Variants in PAPOLG observed in about 807,000 individuals in gnomAD.
PAPOLG encodes poly(A) polymerase gamma, also known as PAP-gamma.
Under a neutral mutation model 99.0 loss-of-function variants are expected in PAPOLG, and 40 were observed. The ratio of observed to expected loss-of-function variants is 0.40; its 90% CI spans 0.31 to 0.53. The LOEUF (loss-of-function observed/expected upper bound fraction) is 0.53, where lower values mean the gene tolerates loss of function less well. Among genes scored for constraint, PAPOLG ranks in the 20% least tolerant of loss-of-function variants. The probability of loss-of-function intolerance (pLI) is 0.41; values close to 1 mark genes in which losing one functional copy is unlikely to be tolerated. For missense variants in PAPOLG, 675 were observed against 884.1 expected, an observed-to-expected ratio of 0.76 and a Z score of 3.00; for synonymous variants, 310 against 299.3, an observed-to-expected ratio of 1.04 and a Z score of -0.37.
chr2:60,765,189 C>CCCCCAAGTAGCAGA (rs1670637369), intron 3 of PAPOLG, among the ~76,000 whole-genome samples: 1 of 151,752 alleles, frequency 6.6e-6, no homozygotes, highest in South Asian at 2.1e-4. Flanking sequence ...TCACCCCAGC[C>CCCCCAAGTAGCAGA]CCCCAAGTAG....
chr2:60,759,257 A>T (rs766836478), intron 1 of PAPOLG, among the ~76,000 whole-genome samples: 1 of 152,126 alleles, frequency 6.6e-6, no homozygotes, highest in East Asian at 1.9e-4. Context: ...AATCCCAGCT[A>T]CTTGGGAGGC....
In PAPOLG at chr2:60,768,481, T is replaced by C. The variant is rs752736330; in HGVS notation, c.258T>C (p.Pro86=). The C allele has an allele frequency of 2.5e-6, 4 of 1,613,968 alleles. No individual in the cohort carries two copies. The African/African-American group carries it at 4.0e-5, about 16-fold the overall frequency. Residue 86 remains proline, a synonymous_variant, in exon 4 of 22, where the codon CCT becomes CCC. Coordinates refer to ENST00000238714, the MANE Select transcript of PAPOLG (RefSeq NM_022894.4). ...SDVSESKNLP[P]SVVATVGGKI... ...TAATTTTATTTTAGAACCTCCCACC[T>C]TCTGTTGTGGCTACTGTTGGTGGTA...
At chr2:60,776,584 C>A (rs1240785837) in intron 8 of PAPOLG, among the ~76,000 whole-genome samples, 1 of 152,008 alleles carries the variant, frequency 6.6e-6, no homozygotes, top group African/African-American at 2.4e-5. Context: ...TGTGCCACCA[C>A]ACCTGGCTAA....
rs1671770945 is a variant in PAPOLG, at chr2:60,798,324, A to G, written c.*1164A>G. 6.5e-6 allele frequency: 1 copy of G among 152,724 alleles called. No homozygotes were observed. Among genetic ancestry groups the G allele is most frequent in the African/African-American group, 2.4e-5 (1 of 41,442 alleles). The allele number at this position is 152,724 out of a possible 1,614,324, so 9.5% of individuals were successfully genotyped here. On this transcript the variant is annotated 3_prime_UTR_variant, in exon 22 of 22. Coordinates refer to ENST00000238714, the MANE Select transcript of PAPOLG (RefSeq NM_022894.4). ...AATATTTTTTAAGTTTCATGAATGC[A>G]TGCTCAGTTTATTAAAATCCATAAC...
chr2:60,758,450 G>T (rs1276502604), intron 1 of PAPOLG, among the ~76,000 whole-genome samples: 6 of 134,594 alleles, frequency 4.5e-5, no homozygotes, highest in Non-Finnish European at 4.7e-5. Flanking sequence ...TTTTTGAGAC[G>T]GAGTTTCGCT....
intron 9 of PAPOLG, 35 bp downstream of exon 9, chr2:60,779,810 A>T (rs1487926419): frequency 6.4e-7 from 1 of 1,555,424 alleles, no homozygotes; most frequent in African/African-American, 1.4e-5. Context: ...ACTGTTTACT[A>T]ATCTCTACCT....
intron 1 of PAPOLG, among the ~76,000 whole-genome samples, chr2:60,758,552 C>T (rs1478751126): frequency 2.0e-5 from 3 of 151,538 alleles, no homozygotes; most frequent in African/African-American, 4.9e-5. Flanking sequence ...CTCAGCCTCC[C>T]GAGTAGCCGG....
chr2:60,759,571 A>G (rs911313266), intron 1 of PAPOLG, among the ~76,000 whole-genome samples: 6 of 152,180 alleles, frequency 3.9e-5, no homozygotes, highest in African/African-American at 1.2e-4. Context: ...ACAAAGTACT[A>G]GGACTGTAAA....
chr2:60,766,790 A>G (rs777331149), intron 3 of PAPOLG, among the ~76,000 whole-genome samples: 4 of 152,152 alleles, frequency 2.6e-5, no homozygotes, highest in Admixed American at 6.5e-5. Flanking sequence ...TTCTGTAACC[A>G]TGTTGGTTGG....
Position 60,756,434 on chromosome 2 carries a change from C to G in PAPOLG, c.-45C>G. The stretch of plus-strand genomic sequence containing the variant: ...GGAGAAGGGAACAGCAAGAACAGGA[C>G]TCCAGAGCGATAAACACTCGCTGGA... On this transcript the variant is annotated 5_prime_UTR_variant, in exon 1 of 22. Coordinates refer to ENST00000238714, the MANE Select transcript of PAPOLG (RefSeq NM_022894.4). 1 of 1,613,366 alleles carries G rather than the reference C, an allele frequency of 6.2e-7. No individual in the cohort carries two copies. The highest frequency in any genetic ancestry group is 1.1e-5 in the South Asian group (1 of 91,048).
At chr2:60,782,080 T>C (rs1671205925) in intron 11 of PAPOLG, 75 bp downstream of exon 11, 1 of 1,448,380 alleles carries the variant, frequency 6.9e-7, no homozygotes, top group African/African-American at 1.4e-5. Context: ...CTGTTGCAGC[T>C]ATGGATTGGC....
chr2:60,777,222 G>A (rs929773578), intron 8 of PAPOLG, among the ~76,000 whole-genome samples: 2 of 152,128 alleles, frequency 1.3e-5, no homozygotes, highest in African/African-American at 2.4e-5. Flanking sequence ...TTGGGAGGCC[G>A]AGGCGAGCGG....
intron 3 of PAPOLG, among the ~76,000 whole-genome samples, chr2:60,767,732 C>T (rs1290233894): frequency 1.3e-5 from 2 of 152,224 alleles, no homozygotes; most frequent in African/African-American, 4.8e-5. Flanking sequence ...AGAAATTAAA[C>T]ATACCTGTCA....
intron 13 of PAPOLG, among the ~76,000 whole-genome samples, chr2:60,785,081 C>T (rs1054950542): frequency 6.6e-6 from 1 of 152,030 alleles, no homozygotes; most frequent in African/African-American, 2.4e-5. Flanking sequence ...TGCAGAAATC[C>T]GATGAGACTT....
Position 60,756,461 on chromosome 2 carries a change from A to T in PAPOLG, c.-18A>T, listed in dbSNP as rs746311709. On this transcript the variant is annotated 5_prime_UTR_variant, in exon 1 of 22. Transcript: ENST00000238714. Reference sequence around the variant, plus strand: ...CCAGAGCGATAAACACTCGCTGGAGAGGGAGACGCAGGAAGCGATGAAAGA... The same window carrying T: ...CCAGAGCGATAAACACTCGCTGGAGTGGGAGACGCAGGAAGCGATGAAAGA... The T allele has an allele frequency of 4.0e-6, 6 of 1,503,424 alleles. No homozygotes were observed. The Admixed American group carries it at 7.1e-5, about 18-fold the overall frequency. 93.1% of individuals were successfully genotyped at this position (1,503,424 alleles called of 1,614,324 possible).
intron 3 of PAPOLG, among the ~76,000 whole-genome samples, chr2:60,763,437 T>G (rs557447704): frequency 6.6e-6 from 1 of 152,180 alleles, no homozygotes; most frequent in African/African-American, 2.4e-5. Context: ...TATCTGTGTG[T>G]GATTGGTTGA....
chr2:60,762,573 T>TTAA (rs2103759449), intron 3 of PAPOLG, among the ~76,000 whole-genome samples: 1 of 152,302 alleles, frequency 6.6e-6, no homozygotes, highest in South Asian at 2.1e-4. Flanking sequence ...TAATACAATG[T>TTAA]TAATGCTATG....
rs767049879 is a variant in PAPOLG, at chr2:60,792,158, G to C, written c.1548G>C (p.Ser516=). 1 of 1,591,560 alleles carries C rather than the reference G, an allele frequency of 6.3e-7. No individual in the cohort carries two copies. The highest frequency in any genetic ancestry group is 8.5e-7 in the Non-Finnish European group (1 of 1,174,448). The change falls in exon 17 of 22, where the codon TCG becomes TCC. Residue 516 remains serine, a synonymous_variant. Transcript: ENST00000238714. ...GTCTCTCTGATGTCAATCGAAGCTC[G>C]GGCGGACTTCAATCCAAAAGATTGT... ...KQSLSDVNRS[S]GGLQSKRLSL... is the part of the protein sequence containing the mutation.
In PAPOLG at chr2:60,771,583, ACT is replaced by A; in HGVS notation, c.561_562del (p.Arg188ProfsTer5). The A allele has an allele frequency of 1.2e-6, 2 of 1,608,368 alleles. No homozygotes were observed. The highest frequency in any genetic ancestry group is 1.7e-6 in the Non-Finnish European group (2 of 1,178,578). On this transcript the variant is annotated frameshift_variant, in exon 7 of 22. Transcript: ENST00000238714. LOFTEE classifies it high-confidence loss of function. The stretch of plus-strand genomic sequence containing the variant: ...TCAGATAATTTAGATCTAAGAGACG[ACT>A]CTCGCCTGAGAAGCCTTGATATAAG...
Sources: gnomAD v4.1 joint callset for allele counts (sites outside exome capture counted in the v4.1 genomes callset) on GRCh38, gnomAD v4.1.1 for gene constraint, MANE v1.5 for transcripts, NCBI Gene and HGNC (gene_info 2026-07-23, HGNC 2026-07-21) for gene names.